Variants in CBFA2T2 observed in about 807,000 individuals in gnomAD.
CBFA2T2 encodes CBFA2/RUNX1 partner transcriptional co-repressor 2, also known as protein CBFA2T2.
CBFA2T2 carries 11 observed loss-of-function variants against 62.2 expected under a neutral mutation model. The observed-to-expected ratio is 0.18, with a 90% confidence interval of 0.11 to 0.29. The LOEUF (loss-of-function observed/expected upper bound fraction) is 0.29, where lower values mean the gene tolerates loss of function less well. Among genes scored for constraint, CBFA2T2 ranks in the 10% least tolerant of loss-of-function variants. The pLI is 1.00. For missense variants in CBFA2T2, 592 were observed against 774.1 expected (o/e 0.76, Z 2.79); for synonymous variants, 295 against 287.5 (o/e 1.03, Z -0.27).
At chr20:33,544,813 G>A (rs887634632) in intron 1 of CBFA2T2, among the ~76,000 whole-genome samples, 2 of 152,142 alleles carry the variant, frequency 1.3e-5, no homozygotes, top group Non-Finnish European at 2.9e-5. Context: ...CCAAAATGCT[G>A]GAATTACAGG....
chr20:33,620,332 A>C (rs1601080255), intron 4 of CBFA2T2, among the ~76,000 whole-genome samples: 1 of 150,380 alleles, frequency 6.6e-6, no homozygotes, highest in Non-Finnish European at 1.5e-5. Context: ...ACATGGCAAA[A>C]CCCCCGTCTC....
chr20:33,521,344 A>G (rs186653803), intron 1 of CBFA2T2, among the ~76,000 whole-genome samples: 75 of 152,318 alleles, frequency 4.9e-4, no homozygotes, highest in Middle Eastern at 3.4e-3. Flanking sequence ...CCAAATTTGT[A>G]ATCTAGGATT....
At chr20:33,566,995 G>A (rs923018096) in intron 1 of CBFA2T2, among the ~76,000 whole-genome samples, 2 of 152,182 alleles carry the variant, frequency 1.3e-5, no homozygotes, top group African/African-American at 4.8e-5. Flanking sequence ...GATGGACTCT[G>A]TGGATTGTTT....
rs183312247 is a variant in CBFA2T2 at position 33,524,443 on chromosome 20, T to A, written c.34+34142T>A. Among the ~76,000 whole-genome samples the A allele has an allele frequency of 3.5e-4, 54 of 152,290 alleles. No homozygotes were observed. In the East Asian group the frequency reaches 9.3e-3, roughly 26 times the overall value. ...CCAGATGGGTATGGTTTTGGAATAA[T>A]GAAGGGGCTTTCAGACTGTGGGTTC... On this transcript the variant is annotated intron_variant, in intron 1 of 10. Transcript: ENST00000342704.
chr20:33,496,039 A>T (rs1324990892), intron 1 of CBFA2T2, among the ~76,000 whole-genome samples: 1 of 152,332 alleles, frequency 6.6e-6, no homozygotes, highest in African/African-American at 2.4e-5. Context: ...ACAGGTAATG[A>T]TAAAGTGTTT....
At chr20:33,619,399 T>TC in intron 3 of CBFA2T2, 118 bp from the exon 4 acceptor site, 6 of 539,416 alleles carry the variant, frequency 1.1e-5, no homozygotes, top group African/African-American at 2.2e-5. Context: ...AGAGCAAGAC[T>TC]CCATCTCAAA....
intron 5 of CBFA2T2, chr20:33,623,894 T>C (rs1568860502): frequency 1.4e-6 from 1 of 716,132 alleles, no homozygotes; most frequent in South Asian, 1.5e-5. Context: ...GGTCGACTGT[T>C]CCAGAAGCCT....
chr20:33,588,196 TTTATTA>T (rs1330064911), intron 1 of CBFA2T2, among the ~76,000 whole-genome samples: 4 of 152,148 alleles, frequency 2.6e-5, no homozygotes, highest in African/African-American at 9.6e-5. Flanking sequence ...TCTTGACCCC[TTTATTA>T]TTATTTTTTG....
chr20:33,536,131 C>T (rs999610800), intron 1 of CBFA2T2, among the ~76,000 whole-genome samples: 1 of 152,260 alleles, frequency 6.6e-6, no homozygotes, highest in Non-Finnish European at 1.5e-5. Flanking sequence ...TCCCCCCTTT[C>T]TATTCCACAA....
chr20:33,531,365 A>G (rs2012056014), intron 1 of CBFA2T2, among the ~76,000 whole-genome samples: 1 of 152,196 alleles, frequency 6.6e-6, no homozygotes, highest in South Asian at 2.1e-4. Context: ...CAAAATGGCA[A>G]ATGCTGTCAT....
intron 1 of CBFA2T2, among the ~76,000 whole-genome samples, chr20:33,529,020 T>G (rs1261283199): frequency 1.3e-5 from 2 of 151,596 alleles, no homozygotes; most frequent in East Asian, 1.9e-4. Context: ...AGTTTGTTTG[T>G]TTTTTTTGTT....
At chr20:33,589,994 T>G (rs139989627) in intron 1 of CBFA2T2, among the ~76,000 whole-genome samples, 211 of 152,220 alleles carry the variant, frequency 1.4e-3, no homozygotes, top group African/African-American at 4.8e-3. Flanking sequence ...GGCTCACGCC[T>G]GTAATCTCAG....
At chr20:33,607,217 A>G in intron 2 of CBFA2T2, 118 bp downstream of exon 2, 3 of 816,708 alleles carry the variant, frequency 3.7e-6, no homozygotes, top group Non-Finnish European at 5.3e-6. Context: ...TATTGAAAAT[A>G]TAGACACAGA....
At chr20:33,636,899 G>T (rs954713268) in intron 9 of CBFA2T2, among the ~76,000 whole-genome samples, 191 bp downstream of exon 9, 2 of 152,110 alleles carry the variant, frequency 1.3e-5, no homozygotes, top group Admixed American at 6.5e-5. Context: ...TTGTTAATTT[G>T]CAGGTCAGGA....
At chr20:33,530,691 G>C (rs561428626) in intron 1 of CBFA2T2, among the ~76,000 whole-genome samples, 1 of 152,182 alleles carries the variant, frequency 6.6e-6, no homozygotes, top group South Asian at 2.1e-4. Flanking sequence ...GGGATTACAG[G>C]CGTGAGCCAC....
At chr20:33,638,790 T>G (rs1293220988) in intron 9 of CBFA2T2, 1 of 152,130 alleles carries the variant, frequency 6.6e-6, no homozygotes, top group Non-Finnish European at 1.5e-5. Context: ...CTCAAACATA[T>G]GGAATGTGTT....
chr20:33,577,344 T>A (rs1445040554), intron 1 of CBFA2T2, among the ~76,000 whole-genome samples: 1 of 152,160 alleles, frequency 6.6e-6, no homozygotes, highest in South Asian at 2.1e-4. Context: ...GGAGCCAACA[T>A]CTTTGAAATC....
At chr20:33,607,233 A>G (rs2015376323) in intron 2 of CBFA2T2, 134 bp downstream of exon 2, 1 of 711,248 alleles carries the variant, frequency 1.4e-6, no homozygotes, top group South Asian at 5.0e-5. Context: ...ACAGATATAT[A>G]TTTCTGGTTG....
intron 1 of CBFA2T2, among the ~76,000 whole-genome samples, chr20:33,580,219 A>G (rs1436761539): frequency 1.3e-5 from 2 of 152,228 alleles, no homozygotes; most frequent in Non-Finnish European, 2.9e-5. Context: ...TTAAATTTTA[A>G]GTCCTAACTG....
Sources: gnomAD v4.1 joint callset for allele counts (sites outside exome capture counted in the v4.1 genomes callset) on GRCh38, gnomAD v4.1.1 for gene constraint, MANE v1.5 for transcripts, NCBI Gene and HGNC (gene_info 2026-07-23, HGNC 2026-07-21) for gene names.